PRORP: variants seen among roughly 807,000 people sequenced by gnomAD.
PRORP encodes the protein protein only RNase P catalytic subunit.
PRORP carries 51 observed loss-of-function variants against 59.4 expected under a neutral mutation model. That is an observed-to-expected ratio of 0.86 (90% CI 0.69 to 1.08). The LOEUF (loss-of-function observed/expected upper bound fraction) is 1.08, where lower values mean the gene tolerates loss of function less well. Ranked by LOEUF, PRORP falls within the 50% of genes least tolerant of loss-of-function variation. The pLI, the probability that PRORP is intolerant of heterozygous loss-of-function variation, is 0.00. For synonymous variants in PRORP, 231 were observed against 245.6 expected, an observed-to-expected ratio of 0.94 and a Z score of 0.55; for missense variants, 646 against 690.3, an observed-to-expected ratio of 0.94 and a Z score of 0.72.
intron 5 of PRORP, among the ~76,000 whole-genome samples, chr14:35,182,197 C>T (rs1278559773): frequency 1.3e-4 from 20 of 151,928 alleles, no homozygotes; most frequent in Admixed American, 1.3e-3. Flanking sequence ...ACCCGGAAGG[C>T]GGTGGTTTTA....
At chr14:35,197,210 G>T (rs2049030279) in intron 5 of PRORP, among the ~76,000 whole-genome samples, 1 of 152,128 alleles carries the variant, frequency 6.6e-6, no homozygotes, top group South Asian at 2.1e-4. Flanking sequence ...TTAGGGTGTG[G>T]TGAGATTGTC....
chr14:35,121,901 CTGTT>C (rs770910652), upstream of PRORP: 78 of 1,614,034 alleles, frequency 4.8e-5, no homozygotes, highest in Non-Finnish European at 6.3e-5. Flanking sequence ...CCAAAACTCA[CTGTT>C]TGGACAGGTG....
intron 5 of PRORP, among the ~76,000 whole-genome samples, chr14:35,239,364 A>C (rs4981280): frequency 0.53 from 79,451 of 150,456 alleles, 22,726 homozygotes; most frequent in East Asian, 0.75. Context: ...AAAAAAAAAA[A>C]AACAAACTAC....
intron 4 of PRORP, among the ~76,000 whole-genome samples, chr14:35,156,540 C>G (rs117750075): frequency 3.0e-4 from 45 of 152,246 alleles, no homozygotes; most frequent in Non-Finnish European, 5.7e-4. Flanking sequence ...CTCAGGTTGT[C>G]TCAAAAGCAG....
intron 4 of PRORP, among the ~76,000 whole-genome samples, chr14:35,156,959 C>CTTTT (rs11370871): frequency 7.3e-6 from 1 of 137,038 alleles, no homozygotes; most frequent in African/African-American, 2.7e-5. Flanking sequence ...TTTTTCTTTT[C>CTTTT]TTTTTTTTTT....
intron 5 of PRORP, among the ~76,000 whole-genome samples, chr14:35,239,153 C>T (rs2050294600): frequency 6.6e-6 from 1 of 151,948 alleles, no homozygotes; most frequent in Non-Finnish European, 1.5e-5. Flanking sequence ...GTCAGGAGTT[C>T]AAAACCAGCC....
chr14:35,250,722 A>C (rs941152989), intron 5 of PRORP, among the ~76,000 whole-genome samples: 2 of 152,198 alleles, frequency 1.3e-5, no homozygotes, highest in African/African-American at 4.8e-5. Flanking sequence ...ACCTTATCAA[A>C]TAGGCCCCTA....
chr14:35,213,017 G>A (rs1287893582), intron 5 of PRORP, among the ~76,000 whole-genome samples: 2 of 152,156 alleles, frequency 1.3e-5, no homozygotes, highest in African/African-American at 4.8e-5. Flanking sequence ...TTATGTCATG[G>A]AGATGCCTAC....
At chr14:35,268,399 G>A (rs2051102008) in intron 6 of PRORP, among the ~76,000 whole-genome samples, 1 of 141,090 alleles carries the variant, frequency 7.1e-6, no homozygotes, top group African/African-American at 2.7e-5. Flanking sequence ...AAAGTAAGAA[G>A]AAAATAGCTA....
At position 35,276,256 on chromosome 14, in the gene PRORP, A is replaced by G. The variant is rs561882831; in HGVS notation, c.*2690A>G. The G allele has an allele frequency of 2.0e-5, 3 of 152,728 alleles. No homozygotes were observed. Among genetic ancestry groups the G allele is most frequent in the South Asian group, 2.1e-4 (1 of 4,828 alleles). The allele number at this position is 152,728 out of a possible 1,614,324, so 9.5% of individuals were successfully genotyped here. A position where few individuals can be genotyped will look rare whatever the true frequency, so the allele number is the denominator to read the frequency against. On this transcript the variant is annotated 3_prime_UTR_variant, in exon 8 of 8. Coordinates refer to ENST00000534898, the MANE Select transcript of PRORP (RefSeq NM_014672.4). ...CCAGAGGTCAAGGCTACAGTGAGCT[A>G]TGATCATGCTACTACACTCCAGCCT...
chr14:35,233,264 A>G (rs1301940432), intron 5 of PRORP, among the ~76,000 whole-genome samples: 1 of 150,046 alleles, frequency 6.7e-6, no homozygotes, highest in Non-Finnish European at 1.5e-5. Flanking sequence ...CGGCTACGGC[A>G]TTGCATAACT....
At position 35,158,748 on chromosome 14, in the gene PRORP, A is replaced by G. The variant is rs1027216633; in HGVS notation, c.1168-21922A>G. 4 of 378,080 alleles carry G rather than the reference A, an allele frequency of 1.1e-5. No homozygotes were observed. The East Asian group carries it at 2.9e-4, about 28-fold the overall frequency. The allele number at this position is 378,080 out of a possible 1,614,324, so 23.4% of individuals were successfully genotyped here. ...GCATCTCCAAATCCTATTTGGTATCAACTATTGTGAGCAGCAACTTAACAC... is the reference window on the plus strand; with the variant it reads ...GCATCTCCAAATCCTATTTGGTATCGACTATTGTGAGCAGCAACTTAACAC... On this transcript the variant is annotated intron_variant, in intron 4 of 7. Coordinates refer to ENST00000534898, the MANE Select transcript of PRORP (RefSeq NM_014672.4).
At chr14:35,127,761 A>T (rs1229187950) in intron 4 of PRORP, 150 bp downstream of exon 4, 10 of 707,558 alleles carry the variant, frequency 1.4e-5, no homozygotes, top group Admixed American at 6.2e-5. Flanking sequence ...TAGTTAAGAC[A>T]TCCATAGATA....
intron 5 of PRORP, among the ~76,000 whole-genome samples, chr14:35,206,688 C>T (rs1261286311): frequency 1.3e-5 from 2 of 152,180 alleles, no homozygotes; most frequent in Admixed American, 6.5e-5. Context: ...ATCCCACCAC[C>T]ACTATTTATT....
intron 4 of PRORP, among the ~76,000 whole-genome samples, chr14:35,166,953 A>G (rs183295437): frequency 2.0e-5 from 3 of 152,258 alleles, no homozygotes; most frequent in Admixed American, 2.0e-4. Context: ...ACTCATCAGG[A>G]TATTACTCCA....
At position 35,257,399 on chromosome 14, in the gene PRORP, C is replaced by T. The variant is rs116245497; in HGVS notation, c.1276-9328C>T. On this transcript the variant is annotated intron_variant, in intron 5 of 7. Coordinates refer to ENST00000534898, the MANE Select transcript of PRORP (RefSeq NM_014672.4). ...CTGCCCTGACAACCACCATTCTATG[C>T]TGTCTTTATGAATTTGACTACTTTA... 6.2e-3 allele frequency among the ~76,000 whole-genome samples: 951 copies of T among 152,284 alleles called. 8 individuals are homozygous for T. Among genetic ancestry groups the T allele is most frequent in the African/African-American group, 0.022 (918 of 41,560 alleles).
At chr14:35,165,837 G>A (rs1422685020) in intron 4 of PRORP, among the ~76,000 whole-genome samples, 1 of 151,870 alleles carries the variant, frequency 6.6e-6, no homozygotes, top group Admixed American at 6.6e-5. Context: ...CTGCCACTAC[G>A]CCCAGCTAAT....
In PRORP at chr14:35,259,423, G is replaced by T. The variant is rs1342790146; in HGVS notation, c.1276-7304G>T. Among the ~76,000 whole-genome samples the T allele has an allele frequency of 2.6e-5, 4 of 151,656 alleles. No homozygotes were observed. The East Asian group carries it at 7.7e-4, about 29-fold the overall frequency. On this transcript the variant is annotated intron_variant, in intron 5 of 7. Transcript: ENST00000534898. ...TTCTGCCAGCCTCTGTCTTTTAATTGGTATATGTAGACTTTTTATACCTCA... is the reference window on the plus strand; with the variant it reads ...TTCTGCCAGCCTCTGTCTTTTAATTTGTATATGTAGACTTTTTATACCTCA...
intron 5 of PRORP, among the ~76,000 whole-genome samples, chr14:35,245,378 C>G (rs1365528361): frequency 6.6e-6 from 1 of 152,196 alleles, no homozygotes; most frequent in African/African-American, 2.4e-5. Flanking sequence ...CACAGTGGCT[C>G]ACGCCTCTAA....
Sources: allele counts gnomAD v4.1 joint callset (sites outside exome capture counted in the v4.1 genomes callset), GRCh38; gene constraint gnomAD v4.1.1; transcripts MANE v1.5; gene names NCBI Gene and HGNC (gene_info 2026-07-23, HGNC 2026-07-21).